The following NELL2 variants were observed in gnomAD, a reference collection of about 807,000 sequenced individuals.
NELL2 encodes the protein neural EGFL like 2, also known as protein kinase C-binding protein NELL2.
A neutral mutation model predicts 109.6 loss-of-function variants in NELL2; 41 were observed. The observed-to-expected ratio is 0.37, with a 90% CI of 0.29 to 0.49. The LOEUF (loss-of-function observed/expected upper bound fraction) is 0.49. Among genes scored for constraint, NELL2 ranks in the 20% least tolerant of loss-of-function variants. The pLI is 0.98. For missense variants in NELL2, 900 were observed against 1,008.3 expected, an observed-to-expected ratio of 0.89 and a Z score of 1.45; for synonymous variants, 355 against 344.7, an observed-to-expected ratio of 1.03 and a Z score of -0.33.
At chr12:44,690,637 C>G (rs1948869937) in intron 12 of NELL2, among the ~76,000 whole-genome samples, 2 of 152,076 alleles carry the variant, frequency 1.3e-5, no homozygotes, top group Non-Finnish European at 1.5e-5. Flanking sequence ...CCTCCTGCAT[C>G]TGGAAAATGG....
At chr12:44,702,769 A>C (rs1949266875) in intron 12 of NELL2, among the ~76,000 whole-genome samples, 1 of 152,198 alleles carries the variant, frequency 6.6e-6, no homozygotes, top group South Asian at 2.1e-4. Context: ...GAAATATTTT[A>C]ATCCAAAGGT....
chr12:44,693,504 G>T (rs1214638908), intron 12 of NELL2, among the ~76,000 whole-genome samples: 2 of 152,140 alleles, frequency 1.3e-5, no homozygotes, highest in East Asian at 3.9e-4. Context: ...CTTTGTATGA[G>T]AAACCACGCC....
chr12:44,516,966 T>C (rs1261276259), intron 19 of NELL2, among the ~76,000 whole-genome samples: 1 of 151,394 alleles, frequency 6.6e-6, no homozygotes, highest in Non-Finnish European at 1.5e-5. Flanking sequence ...TCAGGTATAT[T>C]TTATCACTGA....
rs150360724 is a variant in NELL2, at chr12:44,913,292, G to C, written c.38+507C>G. Reference sequence around the variant, plus strand: ...CTAGATAGTGAGCCACAGTCTCCTAGCTCTCATTATTTTCTCCATACAGCT... The same window carrying C: ...CTAGATAGTGAGCCACAGTCTCCTACCTCTCATTATTTTCTCCATACAGCT... On this transcript the variant is annotated intron_variant, in intron 1 of 20. Coordinates refer to the NELL2 transcript ENST00000333837. Among the ~76,000 whole-genome samples the C allele has an allele frequency of 9.2e-5, 14 of 152,180 alleles. No homozygotes were observed. The East Asian group carries it at 2.5e-3, about 27-fold the overall frequency.
At position 44,665,511 on chromosome 12, in the gene NELL2, T is replaced by C. The variant is rs1049713067; in HGVS notation, c.1417A>G (p.Ile473Val). The C allele has an allele frequency of 5.6e-6, 9 of 1,613,294 alleles. No homozygotes were observed. The African/African-American group carries it at 1.1e-4, about 19-fold the overall frequency. Residue 473 changes from isoleucine (I) to valine (V), a missense_variant, in exon 13 of 20, where the codon ATC becomes GTC. Around this residue, in one of 4 missense-constraint regions of NELL2, gnomAD observed 292 missense variants for 265.3 expected, o/e 1.10. Coordinates refer to ENST00000429094, the MANE Select transcript of NELL2 (RefSeq NM_001145108.2). The stretch of plus-strand genomic sequence containing the variant: ...GTACATGAATAATCATCAATTCTGA[T>C]GTATCCAGTTTTGCAGATGCACATA... ...SFMCICKTGY[I>V]RIDDYSCTEH... is the part of the protein sequence containing the mutation.
chr12:44,549,163 C>T (rs1002859456), intron 15 of NELL2, among the ~76,000 whole-genome samples: 1 of 152,084 alleles, frequency 6.6e-6, no homozygotes, highest in Admixed American at 6.6e-5. Context: ...AAGACAAATT[C>T]CTGGAAGTAA....
intron 15 of NELL2, among the ~76,000 whole-genome samples, chr12:44,555,089 A>G (rs1480920911): frequency 6.6e-6 from 1 of 152,230 alleles, no homozygotes; most frequent in Admixed American, 6.5e-5. Flanking sequence ...TGATGCTGAC[A>G]GCAAAGATAA....
chr12:44,542,165 T>G (rs1176437501), intron 15 of NELL2, among the ~76,000 whole-genome samples: 1 of 152,186 alleles, frequency 6.6e-6, no homozygotes, highest in Non-Finnish European at 1.5e-5. Context: ...AAGGACTAAA[T>G]TGAGACAGAG....
intron 9 of NELL2, among the ~76,000 whole-genome samples, chr12:44,769,491 T>A (rs1285010904): frequency 1.3e-5 from 2 of 152,126 alleles, no homozygotes; most frequent in Non-Finnish European, 2.9e-5. Context: ...GCAACTGGAA[T>A]TTTCCTACCT....
At chr12:44,892,120 G>T (rs553398527) in intron 1 of NELL2, among the ~76,000 whole-genome samples, 2 of 152,172 alleles carry the variant, frequency 1.3e-5, no homozygotes, top group African/African-American at 4.8e-5. Context: ...GTGCATGGTT[G>T]GGAGTAGAAT....
rs866017396 is a variant in NELL2 at position 44,759,033 on chromosome 12, A to G, written c.994+15714T>C. 5.9e-5 allele frequency among the ~76,000 whole-genome samples: 9 copies of G among 152,284 alleles called. No individual in the cohort carries two copies. In the South Asian group the frequency reaches 1.7e-3, roughly 28 times the overall value. On this transcript the variant is annotated intron_variant, in intron 9 of 19. Transcript: ENST00000429094. ...TTACCTGAAAATGCATCCTGCCCCAATGCTGAAACAAAGCCAGAGTAAGAA... is the reference window on the plus strand; with the variant it reads ...TTACCTGAAAATGCATCCTGCCCCAGTGCTGAAACAAAGCCAGAGTAAGAA...
chr12:44,769,622 C>T (rs1941466895), intron 9 of NELL2, among the ~76,000 whole-genome samples: 1 of 151,926 alleles, frequency 6.6e-6, no homozygotes, highest in African/African-American at 2.4e-5. Flanking sequence ...AAATATATAC[C>T]CATCAAATAC....
chr12:44,777,863 G>C (rs1425818904), intron 5 of NELL2, among the ~76,000 whole-genome samples: 1 of 152,190 alleles, frequency 6.6e-6, no homozygotes, highest in Non-Finnish European at 1.5e-5. Context: ...GAGTTCTTAT[G>C]AGTACAGAAA....
intron 13 of NELL2, among the ~76,000 whole-genome samples, chr12:44,654,538 C>T (rs1326552706): frequency 1.3e-5 from 2 of 152,148 alleles, no homozygotes; most frequent in Admixed American, 1.3e-4. Flanking sequence ...CAATAGTTTA[C>T]AGCAAAAGTA....
intron 15 of NELL2, among the ~76,000 whole-genome samples, chr12:44,550,576 T>TAAAC (rs1373332106): frequency 2.1e-4 from 31 of 149,742 alleles, no homozygotes; most frequent in Non-Finnish European, 4.1e-4. Flanking sequence ...AATAAATAAA[T>TAAAC]AAATAAATAA....
chr12:44,885,989 G>C (rs1006636676), intron 1 of NELL2, among the ~76,000 whole-genome samples: 2 of 151,228 alleles, frequency 1.3e-5, no homozygotes, highest in African/African-American at 4.9e-5. Flanking sequence ...TATATATAAT[G>C]GTTAATTGAT....
At chr12:44,795,310 T>C (rs1942580250) in intron 3 of NELL2, among the ~76,000 whole-genome samples, 1 of 152,154 alleles carries the variant, frequency 6.6e-6, no homozygotes, top group Admixed American at 6.5e-5. Flanking sequence ...GTGTAGCTTA[T>C]GGATGGTACA....
upstream of NELL2, among the ~76,000 whole-genome samples, chr12:44,914,953 C>T (rs1187928983): frequency 1.3e-5 from 2 of 151,970 alleles, no homozygotes; most frequent in Non-Finnish European, 2.9e-5. Flanking sequence ...GGGTTCACGC[C>T]ATTCTCCTGC....
chr12:44,745,099 T>G (rs1283582270), intron 9 of NELL2, among the ~76,000 whole-genome samples: 1 of 152,190 alleles, frequency 6.6e-6, no homozygotes, highest in African/African-American at 2.4e-5. Context: ...GAAAAGCTTA[T>G]CCACCATAAT....
Sources: allele counts gnomAD v4.1 joint callset (sites outside exome capture counted in the v4.1 genomes callset), GRCh38; gene constraint gnomAD v4.1.1; regional missense constraint gnomAD v4.1.1; transcripts MANE v1.5; gene names NCBI Gene and HGNC (gene_info 2026-07-23, HGNC 2026-07-21).